The following NTRK3 variants were observed in gnomAD, a reference collection of about 807,000 sequenced individuals.
The protein encoded by NTRK3 is neurotrophic receptor tyrosine kinase 3.
A neutral mutation model predicts 91.7 loss-of-function variants in NTRK3; 24 were observed. That is an observed-to-expected ratio of 0.26 (90% CI 0.19 to 0.37). NTRK3 has a LOEUF of 0.37. Ranked by LOEUF, NTRK3 falls within the 10% of genes least tolerant of loss-of-function variation. The pLI is 1.00. For missense variants in NTRK3, 880 were observed against 1,068.9 expected, an observed-to-expected ratio of 0.82 and a Z score of 2.46; for synonymous variants, 483 against 404.0, an observed-to-expected ratio of 1.20 and a Z score of -2.34.
At chr15:88,149,095 G>C (rs1486864772) in intron 5 of NTRK3, among the ~76,000 whole-genome samples, 1 of 152,194 alleles carries the variant, frequency 6.6e-6, no homozygotes, top group Non-Finnish European at 1.5e-5. Flanking sequence ...AGAGCTCATG[G>C]GAGAGGTTGG....
At chr15:88,088,198 G>A (rs1256637323) in intron 13 of NTRK3, among the ~76,000 whole-genome samples, 2 of 152,186 alleles carry the variant, frequency 1.3e-5, no homozygotes, top group East Asian at 3.8e-4. Flanking sequence ...TGTAAAATGG[G>A]TGCAATAAAA....
At chr15:88,156,499 C>G (rs940704799) in intron 5 of NTRK3, among the ~76,000 whole-genome samples, 1 of 151,958 alleles carries the variant, frequency 6.6e-6, no homozygotes, top group Non-Finnish European at 1.5e-5. Flanking sequence ...ACCCTAAAAA[C>G]CTACCTGGGA....
chr15:87,900,594 T>C (rs2066389607), intron 17 of NTRK3, among the ~76,000 whole-genome samples: 1 of 152,160 alleles, frequency 6.6e-6, no homozygotes, highest in Admixed American at 6.5e-5. Flanking sequence ...TGAGCATAAT[T>C]TTCTCATCTG....
At chr15:88,086,978 C>A (rs2150715122) in intron 13 of NTRK3, among the ~76,000 whole-genome samples, 1 of 152,356 alleles carries the variant, frequency 6.6e-6, no homozygotes, top group Non-Finnish European at 1.5e-5. Context: ...AGTTACTTAA[C>A]CTCTCCATAC....
At chr15:88,047,383 T>C (rs972432349) in intron 13 of NTRK3, among the ~76,000 whole-genome samples, 2 of 151,868 alleles carry the variant, frequency 1.3e-5, no homozygotes, top group South Asian at 2.1e-4. Flanking sequence ...TGCGGTGAGG[T>C]AGATGGTGGG....
chr15:88,040,202 G>C (rs920204296), intron 13 of NTRK3, among the ~76,000 whole-genome samples: 1 of 152,226 alleles, frequency 6.6e-6, no homozygotes, highest in Admixed American at 6.5e-5. Flanking sequence ...TCTTTGAAGA[G>C]GAATCTCTAT....
At chr15:88,231,649 G>A (rs909873546) in intron 3 of NTRK3, among the ~76,000 whole-genome samples, 1 of 152,128 alleles carries the variant, frequency 6.6e-6, no homozygotes, top group Admixed American at 6.6e-5. Context: ...TGTAAGAGAG[G>A]TGCTGAACCC....
intron 5 of NTRK3, among the ~76,000 whole-genome samples, chr15:88,170,597 C>T (rs1444424750): frequency 6.6e-6 from 1 of 152,176 alleles, no homozygotes; most frequent in South Asian, 2.1e-4. Flanking sequence ...AAGGAAGTCA[C>T]CTGTGCACCA....
At chr15:87,860,025 T>C (rs1411904770) in exon 19 of NTRK3, 7 of 199,044 alleles carry the variant, frequency 3.5e-5, no homozygotes, top group South Asian at 1.9e-4. Flanking sequence ...TATATATGTA[T>C]AAAATGTTTT....
chr15:88,185,592 C>T (rs182699513), intron 3 of NTRK3, among the ~76,000 whole-genome samples: 288 of 152,286 alleles, frequency 1.9e-3, no homozygotes, highest in Non-Finnish European at 2.9e-3. Flanking sequence ...CCCATCCTCC[C>T]AGGATTTTAC....
chr15:88,133,311 T>C (rs972013253), intron 10 of NTRK3, among the ~76,000 whole-genome samples: 3 of 152,106 alleles, frequency 2.0e-5, no homozygotes, highest in Non-Finnish European at 4.4e-5. Context: ...TGCTTCCTCC[T>C]GAGACAAAGG....
chr15:88,238,109 G>A (rs1034092318), intron 3 of NTRK3, among the ~76,000 whole-genome samples: 5 of 152,040 alleles, frequency 3.3e-5, no homozygotes, highest in African/African-American at 4.8e-5. Flanking sequence ...GTGAGAAGGC[G>A]ACCGTCTGCA....
At chr15:88,062,059 C>T (rs745788198) in intron 13 of NTRK3, among the ~76,000 whole-genome samples, 12 of 152,152 alleles carry the variant, frequency 7.9e-5, no homozygotes, top group South Asian at 2.1e-4. Flanking sequence ...CAACTATTTA[C>T]GTAGCGCTTA....
At chr15:87,901,672 G>A (rs1160795750) in intron 17 of NTRK3, among the ~76,000 whole-genome samples, 1 of 151,418 alleles carries the variant, frequency 6.6e-6, no homozygotes, top group Non-Finnish European at 1.5e-5. Context: ...GCACTGCTTC[G>A]CTCAATCCTC....
At chr15:88,227,665 C>T (rs1463930954) in intron 3 of NTRK3, among the ~76,000 whole-genome samples, 2 of 152,140 alleles carry the variant, frequency 1.3e-5, no homozygotes, top group Non-Finnish European at 2.9e-5. Flanking sequence ...CTGTTTAAGA[C>T]ACCCAGTCTG....
intron 6 of NTRK3, among the ~76,000 whole-genome samples, chr15:88,145,385 C>T (rs2042794957): frequency 6.6e-6 from 1 of 152,026 alleles, no homozygotes; most frequent in African/African-American, 2.4e-5. Flanking sequence ...TCTTAGTTAA[C>T]AATATGACAG....
At chr15:87,929,559 G>T in intron 16 of NTRK3, 125 bp from the exon 17 acceptor site, 1 of 1,230,410 alleles carries the variant, frequency 8.1e-7, no homozygotes, top group Non-Finnish European at 1.1e-6. Context: ...TTTCCATCCT[G>T]CCTATGGCTT....
At chr15:88,136,651 T>C (rs775014689) in intron 7 of NTRK3, 42 bp from the exon 8 acceptor site, 1 of 1,598,676 alleles carries the variant, frequency 6.3e-7, no homozygotes, top group South Asian at 1.1e-5. Context: ...GGCAAACACT[T>C]ACTACCCAAA....
At chr15:87,884,454 C>T (rs2065423610) in intron 17 of NTRK3, among the ~76,000 whole-genome samples, 1 of 151,638 alleles carries the variant, frequency 6.6e-6, no homozygotes, top group African/African-American at 2.4e-5. Context: ...CTTTCCCAAA[C>T]CATTCTATGT....
Sources: gnomAD v4.1 joint callset for allele counts (sites outside exome capture counted in the v4.1 genomes callset) on GRCh38, gnomAD v4.1.1 for gene constraint, MANE v1.5 for transcripts, NCBI Gene and HGNC (gene_info 2026-07-23, HGNC 2026-07-21) for gene names.